Variants in NRP2 observed in about 807,000 individuals in gnomAD.
NRP2 encodes the protein neuropilin 2, also known as neuropilin-2.
Under a neutral mutation model 110.4 loss-of-function variants are expected in NRP2, and 52 were observed. That is an observed-to-expected ratio of 0.47 (90% CI 0.38 to 0.59). NRP2 has a LOEUF of 0.59. Among genes scored for constraint, NRP2 ranks in the 20% least tolerant of loss-of-function variants. NRP2 has a pLI of 0.00. For missense variants in NRP2, 1,049 were observed against 1,203.0 expected (o/e 0.87, Z 1.89); for synonymous variants, 508 against 468.9 (o/e 1.08, Z -1.08).
intron 3 of NRP2, among the ~76,000 whole-genome samples, chr2:205,717,285 C>T (rs2056919354): frequency 6.6e-6 from 1 of 152,086 alleles, no homozygotes; most frequent in Non-Finnish European, 1.5e-5. Context: ...TCTCCCCTCT[C>T]CCCCCAGCAG....
chr2:205,745,834 G>T lies in NRP2; in HGVS notation c.1730G>T (p.Arg577Met). 6.2e-7 allele frequency: 1 copy of T among 1,614,202 alleles called. No homozygotes were observed. The stretch of plus-strand genomic sequence containing the variant: ...CAGTATGTGCGGGTATACCCGGAGA[G>T]GTGGTCGCCGGCGGGGATTGGGATG... ...PAQYVRVYPE[R>M]WSPAGIGMRL... The change falls in exon 10 of 17, where the codon AGG becomes ATG. Residue 577 changes from arginine (R) to methionine (M), a missense_variant. Physicochemically the swap from Arg to Met is moderately conservative, Grantham distance 91 (BLOSUM62 -1). Coordinates refer to ENST00000357785, the MANE Select transcript of NRP2 (RefSeq NM_003872.3).
At chr2:205,697,966 CA>C in intron 2 of NRP2, 1 of 547,004 alleles carries the variant, frequency 1.8e-6, no homozygotes, top group Non-Finnish European at 3.3e-6. Flanking sequence ...AACCTACCTC[CA>C]AAGGCCGGTA....
chr2:205,726,838 G>A (rs1054526614), intron 6 of NRP2, among the ~76,000 whole-genome samples: 1 of 152,156 alleles, frequency 6.6e-6, no homozygotes, highest in African/African-American at 2.4e-5. Context: ...AGTGACCTCT[G>A]CTCTAAGAAG....
At chr2:205,767,322 A>C (rs1247621257) in intron 15 of NRP2, 1 of 468,942 alleles carries the variant, frequency 2.1e-6, no homozygotes, top group Non-Finnish European at 4.3e-6. Flanking sequence ...ACCATACCTC[A>C]GTGAGGTACG....
chr2:205,756,268 G>A (rs1349949156), intron 12 of NRP2, among the ~76,000 whole-genome samples: 1 of 152,142 alleles, frequency 6.6e-6, no homozygotes. Context: ...AACACTCAGT[G>A]TTCTCTAAGA....
intron 1 of NRP2, among the ~76,000 whole-genome samples, chr2:205,688,017 G>C (rs2056217010): frequency 6.6e-6 from 1 of 152,208 alleles, no homozygotes. Flanking sequence ...CTGAGTGTAA[G>C]ACAATTCTGA....
intron 12 of NRP2, among the ~76,000 whole-genome samples, chr2:205,762,903 C>T (rs1446451998): frequency 6.6e-6 from 1 of 152,198 alleles, no homozygotes; most frequent in Non-Finnish European, 1.5e-5. Context: ...GATTGGTAAA[C>T]CCTTAATTTC....
intron 15 of NRP2, among the ~76,000 whole-genome samples, chr2:205,787,492 C>A (rs1313773667): frequency 2.0e-5 from 3 of 152,182 alleles, no homozygotes; most frequent in African/African-American, 7.2e-5. Flanking sequence ...GGGCAGACTT[C>A]TCACTTTCCT....
chr2:205,686,015 C>T lies in NRP2; in HGVS notation c.73+2652C>T, dbSNP rs2056150672. On this transcript the variant is annotated intron_variant, in intron 1 of 16. Coordinates refer to ENST00000357785, the MANE Select transcript of NRP2 (RefSeq NM_003872.3). This position sits in a 1 kb window ranked among gnomAD's most constrained non-coding sequence, Gnocchi z 4.7. ...CCACGTGGTGGGGACGTGATAGCCCCTCAGCTCTCCTCCTAGCCCTCCCTC... is the reference window on the plus strand; with the variant it reads ...CCACGTGGTGGGGACGTGATAGCCCTTCAGCTCTCCTCCTAGCCCTCCCTC... Among the ~76,000 whole-genome samples, 1 of 152,134 alleles carries T rather than the reference C, an allele frequency of 6.6e-6. No individual in the cohort carries two copies. Among genetic ancestry groups the T allele is most frequent in the Non-Finnish European group, 1.5e-5 (1 of 68,018 alleles).
chr2:205,792,216 T>G lies in NRP2; in HGVS notation c.2426-19T>G, dbSNP rs1255341493. Reference sequence around the variant, plus strand: ...ATAGAACTTGTTATTAACTTGTTTTTATTTTCTTTATATTATAGTGGACAT... The same window carrying G: ...ATAGAACTTGTTATTAACTTGTTTTGATTTTCTTTATATTATAGTGGACAT... On this transcript the variant is annotated intron_variant, in intron 15 of 16. Transcript: ENST00000357785. The G allele has an allele frequency of 6.5e-7, 1 of 1,544,908 alleles. No homozygotes were observed. Among genetic ancestry groups the G allele is most frequent in the Non-Finnish European group, 9.0e-7 (1 of 1,117,148 alleles).
intron 15 of NRP2, among the ~76,000 whole-genome samples, chr2:205,783,409 G>A (rs953051552): frequency 6.6e-6 from 1 of 152,134 alleles, no homozygotes; most frequent in African/African-American, 2.4e-5. Flanking sequence ...ATTTATTTAT[G>A]TTTTCTACTA....
chr2:205,789,859 T>TGA (rs751180690), intron 15 of NRP2, among the ~76,000 whole-genome samples: 11 of 152,214 alleles, frequency 7.2e-5, no homozygotes, highest in Admixed American at 5.2e-4. Context: ...AAGATGCTTT[T>TGA]GAGAGAGAGA....
Position 205,765,726 on chromosome 2 carries a change from C to T in NRP2, c.2404+156C>T, listed in dbSNP as rs751551184. ...AGGTAAGGTGTGGGTGTAGTTGTGT[C>T]TTAGGCTGGGTTCAGGGTGGGAAGG... On this transcript the variant is annotated intron_variant, in intron 14 of 16. Coordinates refer to ENST00000357785, the MANE Select transcript of NRP2 (RefSeq NM_003872.3). 3 of 769,058 alleles carry T rather than the reference C, an allele frequency of 3.9e-6. No homozygotes were observed. The East Asian group carries it at 7.5e-5, about 19-fold the overall frequency. The allele number at this position is 769,058 out of a possible 1,614,324, so 47.6% of individuals were successfully genotyped here. A position where few individuals can be genotyped will look rare whatever the true frequency, so the allele number is the denominator to read the frequency against.
rs1421980721 is a variant in NRP2, at chr2:205,722,495, A to G, written c.451A>G (p.Lys151Glu). ...IFKTGSEDCS[K>E]NFTSPNGTIE... ...ACATACAGGCTCTGAAGATTGCTCAAAAAACTTCACAAGCCCCAACGGGAC... is the reference window on the plus strand; with the variant it reads ...ACATACAGGCTCTGAAGATTGCTCAGAAAACTTCACAAGCCCCAACGGGAC... Residue 151 changes from lysine (K) to glutamate (E), a missense_variant, in exon 4 of 17, where the codon AAA (lysine) becomes GAA (glutamate). By Grantham distance (56) the Lys-to-Glu change is moderately conservative. Transcript: ENST00000357785. The G allele has an allele frequency of 6.2e-7, 1 of 1,614,224 alleles. No homozygotes were observed. Among genetic ancestry groups the G allele is most frequent in the Admixed American group, 1.7e-5 (1 of 60,036 alleles).
intron 3 of NRP2, 79 bp from the exon 4 acceptor site, chr2:205,722,399 A>G (rs889843340): frequency 2.0e-5 from 24 of 1,216,446 alleles, no homozygotes; most frequent in Non-Finnish European, 2.4e-5. Flanking sequence ...TTGGGGCCAA[A>G]CATTTAAATA....
At position 205,743,322 on chromosome 2, in the gene NRP2, C is replaced by G. The variant is rs746710925; in HGVS notation, c.1411C>G (p.Arg471Gly). The G allele has an allele frequency of 6.2e-7, 1 of 1,614,166 alleles. No individual in the cohort carries two copies. Among genetic ancestry groups the G allele is most frequent in the African/African-American group, 1.3e-5 (1 of 75,046 alleles). The change falls in exon 9 of 17, where the codon CGC (arginine) becomes GGC (glycine). Residue 471 changes from arginine to glycine, a missense_variant. Transcript: ENST00000357785. ...SPSAARLVSS[R>G]SGWFPRIPQA... ...CAGTGCAGCCCGCCTGGTTAGCAGC[C>G]GCTCGGGCTGGTTCCCTCGAATCCC...
chr2:205,700,491 C>T (rs1021859322), intron 2 of NRP2, among the ~76,000 whole-genome samples: 10 of 152,150 alleles, frequency 6.6e-5, no homozygotes, highest in African/African-American at 2.4e-4. Context: ...CGTGTTTGCC[C>T]GGGTTCTTCC....
intron 13 of NRP2, chr2:205,764,317 A>C: frequency 3.9e-6 from 1 of 256,566 alleles, no homozygotes; most frequent in East Asian, 1.1e-4. Flanking sequence ...GAAATAGGAT[A>C]ATCTCCCAGA....
At chr2:205,748,472 C>T (rs1268724928) in intron 10 of NRP2, among the ~76,000 whole-genome samples, 2 of 152,136 alleles carry the variant, frequency 1.3e-5, no homozygotes, top group African/African-American at 2.4e-5. Flanking sequence ...TAGGACACTT[C>T]GAGGTTATTT....
Sources: allele counts gnomAD v4.1 joint callset (sites outside exome capture counted in the v4.1 genomes callset), GRCh38; gene constraint gnomAD v4.1.1; non-coding constraint Gnocchi (gnomAD v3.1); transcripts MANE v1.5; gene names NCBI Gene and HGNC (gene_info 2026-07-23, HGNC 2026-07-21).